BPNT2: variants seen among roughly 807,000 people sequenced by gnomAD.
The protein encoded by BPNT2 is 3'(2'), 5'-bisphosphate nucleotidase 2.
BPNT2 carries 11 observed loss-of-function variants against 29.3 expected under a neutral mutation model. The observed-to-expected ratio is 0.38, with a 90% CI of 0.24 to 0.62. BPNT2 has a LOEUF of 0.62. Ranked by LOEUF, BPNT2 falls within the 20% of genes least tolerant of loss-of-function variation. BPNT2 has a pLI of 0.62. For missense variants in BPNT2, 459 were observed against 473.4 expected, an observed-to-expected ratio of 0.97 and a Z score of 0.28; for synonymous variants, 195 against 187.7, an observed-to-expected ratio of 1.04 and a Z score of -0.32.
intron 4 of BPNT2, 59 bp from the exon 5 acceptor site, chr8:56,964,123 C>A (rs74627294): frequency 7.8e-7 from 1 of 1,276,842 alleles, no homozygotes; most frequent in Non-Finnish European, 1.1e-6. Context: ...AAGTAGCATA[C>A]TTTTTTGATT....
rs1805854034 is a variant in BPNT2 at position 56,962,491 on chromosome 8, T to C, written c.*1302A>G. 1 of 152,186 alleles carries C rather than the reference T, an allele frequency of 6.6e-6. No individual in the cohort carries two copies. Among genetic ancestry groups the C allele is most frequent in the African/African-American group, 2.4e-5 (1 of 41,432 alleles). 9.4% of individuals were successfully genotyped at this position (152,186 alleles called of 1,614,324 possible). A position where few individuals can be genotyped will look rare whatever the true frequency, so the allele number is the denominator to read the frequency against. ...TCACATGAAATAACGGCATGGGTAG[T>C]TTACATGAAGTTTCCAGATTTCACA... On this transcript the variant is annotated 3_prime_UTR_variant, in exon 5 of 5. Coordinates refer to ENST00000262644, the MANE Select transcript of BPNT2 (RefSeq NM_017813.5).
chr8:56,976,305 T>C (rs904043875), intron 3 of BPNT2, among the ~76,000 whole-genome samples: 7 of 152,198 alleles, frequency 4.6e-5, no homozygotes, highest in Non-Finnish European at 5.9e-5. Context: ...GGGCTGCTTA[T>C]ATACTGTCTG....
At chr8:56,991,025 A>G (rs939083929) in intron 1 of BPNT2, among the ~76,000 whole-genome samples, 2 of 152,238 alleles carry the variant, frequency 1.3e-5, no homozygotes, top group African/African-American at 4.8e-5. Flanking sequence ...GTGAGGCTTC[A>G]AAATTAACCA....
At chr8:56,993,116 G>A in intron 1 of BPNT2, 83 bp downstream of exon 1, 1 of 1,534,582 alleles carries the variant, frequency 6.5e-7, no homozygotes, top group Non-Finnish European at 8.7e-7. Context: ...GGAACCAGAA[G>A]CTCCACATCC....
chr8:56,970,188 G>GT (rs1806008203), intron 3 of BPNT2, among the ~76,000 whole-genome samples: 1 of 152,094 alleles, frequency 6.6e-6, no homozygotes, highest in Admixed American at 6.6e-5. Context: ...TAAAAATTTT[G>GT]TAACTAAGAG....
intron 3 of BPNT2, 90 bp from the exon 4 acceptor site, chr8:56,966,442 G>A: frequency 1.9e-6 from 2 of 1,071,638 alleles, no homozygotes; most frequent in South Asian, 2.6e-5. Flanking sequence ...ATGTATGACT[G>A]ACAAAATAGC....
At chr8:56,976,420 T>C (rs1806136850) in intron 3 of BPNT2, among the ~76,000 whole-genome samples, 1 of 152,166 alleles carries the variant, frequency 6.6e-6, no homozygotes, top group South Asian at 2.1e-4. Context: ...ACTAATTCAG[T>C]AAGGATTAAG....
chr8:56,969,825 A>G (rs1025820144), intron 3 of BPNT2, among the ~76,000 whole-genome samples: 1 of 152,220 alleles, frequency 6.6e-6, no homozygotes, highest in African/African-American at 2.4e-5. Flanking sequence ...CATTAAGATC[A>G]TAAGAATATT....
chr8:56,993,445 G>C lies in BPNT2; in HGVS notation c.141C>G (p.Gly47=). The change falls in exon 1 of 5, where the codon GGC becomes GGG. Residue 47 remains glycine (G), a synonymous_variant. Coordinates refer to ENST00000262644, the MANE Select transcript of BPNT2 (RefSeq NM_017813.5). The stretch of plus-strand genomic sequence containing the variant: ...CCGCGGCCGCGGGCCCCGCCGCGCC[G>C]CCGCCAGGCTCGCCGCCCAGGCCGA... ...SLFGLGGEPG[G]GAAGPAAAAD... 18 of 1,473,700 alleles carry C rather than the reference G, an allele frequency of 1.2e-5. No individual in the cohort carries two copies. Among genetic ancestry groups the C allele is most frequent in the Non-Finnish European group, 1.6e-5 (18 of 1,117,396 alleles). 91.3% of individuals were successfully genotyped at this position (1,473,700 alleles called of 1,614,324 possible).
intron 3 of BPNT2, among the ~76,000 whole-genome samples, chr8:56,972,786 A>G (rs1806060192): frequency 6.6e-6 from 1 of 152,148 alleles, no homozygotes; most frequent in Non-Finnish European, 1.5e-5. Context: ...AGATGCCATT[A>G]AGAAAATCAC....
At position 56,993,244 on chromosome 8, in the gene BPNT2, G is replaced by C; in HGVS notation, c.342C>G (p.Asn114Lys). Residue 114 changes from asparagine (N) to lysine (K), a missense_variant, in exon 1 of 5, where the codon AAC (asparagine) becomes AAG (lysine). Transcript: ENST00000262644. ...TCTTGAGCAGGTAGAACATCTTGCG[G>C]TTGGACAGCACGTCGCCGCTGGTCA... ...DKMTSGDVLS[N>K]RKMFYLLKTA... 2 of 1,607,804 alleles carry C rather than the reference G, an allele frequency of 1.2e-6. No individual in the cohort carries two copies. Among genetic ancestry groups the C allele is most frequent in the Non-Finnish European group, 1.7e-6 (2 of 1,179,842 alleles).
rs981093063 is a variant in BPNT2, at chr8:56,962,398, T to A, written c.*1395A>T. 1 of 152,150 alleles carries A rather than the reference T, an allele frequency of 6.6e-6. No homozygotes were observed. The highest frequency in any genetic ancestry group is 2.4e-5 in the African/African-American group (1 of 41,452). The allele number at this position is 152,150 out of a possible 1,614,324, so 9.4% of individuals were successfully genotyped here. ...GGTAAGCTGCTTTATGGTTAAAAAATTTAGCAAAGAAAGAAACCGTGAGAA... is the reference window on the plus strand; with the variant it reads ...GGTAAGCTGCTTTATGGTTAAAAAAATTAGCAAAGAAAGAAACCGTGAGAA... On this transcript the variant is annotated 3_prime_UTR_variant, in exon 5 of 5. Transcript: ENST00000262644.
At chr8:56,993,071 T>C in intron 1 of BPNT2, 128 bp downstream of exon 1, 2 of 1,519,574 alleles carry the variant, frequency 1.3e-6, no homozygotes, top group Non-Finnish European at 1.8e-6. Flanking sequence ...TTGTGCACGT[T>C]AACTTCTGCG....
chr8:56,983,487 A>T (rs981824586), intron 1 of BPNT2, among the ~76,000 whole-genome samples: 5 of 152,148 alleles, frequency 3.3e-5, no homozygotes, highest in African/African-American at 1.2e-4. Context: ...GAGGTCAGAG[A>T]GTAATGGAAG....
chr8:56,983,641 A>G (rs1468173066), intron 1 of BPNT2, among the ~76,000 whole-genome samples: 1 of 152,202 alleles, frequency 6.6e-6, no homozygotes, highest in Non-Finnish European at 1.5e-5. Flanking sequence ...TACAAAGTTT[A>G]GAAAGAAAAA....
chr8:56,972,839 T>A lies in BPNT2; in HGVS notation c.646+5211A>T, dbSNP rs1806061288. Among the ~76,000 whole-genome samples the A allele has an allele frequency of 1.3e-5, 2 of 150,472 alleles. 1 individual carries two copies. Among genetic ancestry groups the A allele is most frequent in the Admixed American group, 1.3e-4 (2 of 15,100 alleles). On this transcript the variant is annotated intron_variant, in intron 3 of 4. Coordinates refer to ENST00000262644, the MANE Select transcript of BPNT2 (RefSeq NM_017813.5). ...AACAGGTTTTCAATGCAGACAAGTGTCCTATTCTGGAAAAAAAAAAAAAAT... is the reference window on the plus strand; with the variant it reads ...AACAGGTTTTCAATGCAGACAAGTGACCTATTCTGGAAAAAAAAAAAAAAT...
intron 1 of BPNT2, among the ~76,000 whole-genome samples, chr8:56,982,507 T>G (rs190220740): frequency 1.3e-5 from 2 of 152,362 alleles, no homozygotes; most frequent in Admixed American, 6.5e-5. Context: ...TGCTTATTGA[T>G]TGCCTACTAT....
At position 56,979,959 on chromosome 8, in the gene BPNT2, A is replaced by G. The variant is rs925150; in HGVS notation, c.550+76T>C. On this transcript the variant is annotated intron_variant, in intron 2 of 4. Transcript: ENST00000262644. ...AACAATCAGTGAGCCACTATCACCTATAGGAAGTATGCCTTGGTTCTGGTT... is the reference window on the plus strand; with the variant it reads ...AACAATCAGTGAGCCACTATCACCTGTAGGAAGTATGCCTTGGTTCTGGTT... 0.084 allele frequency: 114,512 copies of G among 1,367,276 alleles called. 6,261 individuals are homozygous for G. The highest frequency in any genetic ancestry group is 0.28 in the East Asian group (12,001 of 43,564). 84.7% of individuals were successfully genotyped at this position (1,367,276 alleles called of 1,614,324 possible).
intron 3 of BPNT2, among the ~76,000 whole-genome samples, chr8:56,977,128 T>C (rs1028813334): frequency 3.3e-5 from 5 of 152,204 alleles, no homozygotes; most frequent in African/African-American, 1.2e-4. Flanking sequence ...TCATTATATA[T>C]ATGCAAATAC....
Sources: allele counts gnomAD v4.1 joint callset (sites outside exome capture counted in the v4.1 genomes callset), GRCh38; gene constraint gnomAD v4.1.1; transcripts MANE v1.5; gene names NCBI Gene and HGNC (gene_info 2026-07-23, HGNC 2026-07-21).